ADGRA3: variants seen among roughly 807,000 people sequenced by gnomAD.
ADGRA3 encodes the protein G-protein coupled receptor 125.
A neutral mutation model predicts 119.8 loss-of-function variants in ADGRA3; 56 were observed. The ratio of observed to expected loss-of-function variants is 0.47; its 90% CI spans 0.38 to 0.58. The LOEUF (loss-of-function observed/expected upper bound fraction) is 0.58. ADGRA3 is among the 20% of genes least tolerant of loss of function. ADGRA3 has a pLI of 0.00. For synonymous variants in ADGRA3, 607 were observed against 623.8 expected (o/e 0.97, Z 0.40); for missense variants, 1,516 against 1,649.0 (o/e 0.92, Z 1.40).
At chr4:22,499,904 T>C (rs563900953) in intron 1 of ADGRA3, among the ~76,000 whole-genome samples, 3 of 152,320 alleles carry the variant, frequency 2.0e-5, no homozygotes, top group Admixed American at 2.0e-4. Context: ...TCATTCTAAA[T>C]GTCTGGGACC....
At chr4:22,412,499 G>A (rs1715247197) in intron 14 of ADGRA3, among the ~76,000 whole-genome samples, 1 of 151,732 alleles carries the variant, frequency 6.6e-6, no homozygotes, top group African/African-American at 2.4e-5. Flanking sequence ...GAGGATTTCA[G>A]ATTTTTGGAT....
Position 22,413,833 on chromosome 4 carries a change from A to G in ADGRA3, c.1810-19T>C. 1 of 1,537,376 alleles carries G rather than the reference A, an allele frequency of 6.5e-7. No individual in the cohort carries two copies. The highest frequency in any genetic ancestry group is 8.8e-7 in the Non-Finnish European group (1 of 1,131,728). On this transcript the variant is annotated intron_variant, in intron 12 of 18. Transcript: ENST00000334304. The stretch of plus-strand genomic sequence containing the variant: ...TAGTATTCTGAAAAAATATATATAC[A>G]TAAAAAAAGCTCACTACATTAGTAC...
At chr4:22,446,878 T>C (rs893759428) in intron 5 of ADGRA3, among the ~76,000 whole-genome samples, 2 of 152,096 alleles carry the variant, frequency 1.3e-5, no homozygotes, top group African/African-American at 2.4e-5. Flanking sequence ...AAATAACTTC[T>C]ATGCAATCTC....
chr4:22,507,243 AAAAAT>A (rs926348111), intron 1 of ADGRA3, among the ~76,000 whole-genome samples: 1 of 152,124 alleles, frequency 6.6e-6, no homozygotes, highest in Non-Finnish European at 1.5e-5. Context: ...CCATCTCAAA[AAAAAT>A]AAAATAAATA....
Position 22,388,384 on chromosome 4 carries a change from G to C in ADGRA3, c.3287C>G (p.Ser1096Cys), listed in dbSNP as rs1713940449. Residue 1096 changes from serine to cysteine, a missense_variant, in exon 19 of 19, where the codon TCT becomes TGT. Coordinates refer to ENST00000334304, the MANE Select transcript of ADGRA3 (RefSeq NM_145290.4). ...APKCPNSSAESSCTNKSASSF... is the reference protein window; with the variant it reads ...APKCPNSSAECSCTNKSASSF... The stretch of plus-strand genomic sequence containing the variant: ...TGAAGCACTTTTGTTTGTGCATGAA[G>C]ACTCCGCACTGCTATTGGGGCATTT... The C allele has an allele frequency of 7.4e-6, 12 of 1,614,012 alleles. No homozygotes were observed. Among genetic ancestry groups the C allele is most frequent in the Non-Finnish European group, 1.0e-5 (12 of 1,179,982 alleles).
intron 16 of ADGRA3, among the ~76,000 whole-genome samples, chr4:22,397,777 G>T (rs1000606644): frequency 6.6e-6 from 1 of 152,172 alleles, no homozygotes; most frequent in Admixed American, 6.5e-5. Flanking sequence ...TGCCACGAAA[G>T]ACATGACTTT....
intron 1 of ADGRA3, among the ~76,000 whole-genome samples, chr4:22,513,470 G>T (rs912686764): frequency 4.6e-5 from 7 of 150,972 alleles, no homozygotes; most frequent in African/African-American, 1.5e-4. Flanking sequence ...AGCTTTAATT[G>T]ATCCTTAATT....
chr4:22,479,798 T>C (rs947551570), intron 1 of ADGRA3, among the ~76,000 whole-genome samples: 2 of 150,230 alleles, frequency 1.3e-5, no homozygotes, highest in Non-Finnish European at 2.9e-5. Flanking sequence ...ATGTACACCA[T>C]GGAATACTAT....
In ADGRA3 at chr4:22,413,829, A is replaced by G. The variant is rs573421081; in HGVS notation, c.1810-15T>C. On this transcript the variant is annotated splice_polypyrimidine_tract_variant and intron_variant, in intron 12 of 18. Coordinates refer to ENST00000334304, the MANE Select transcript of ADGRA3 (RefSeq NM_145290.4). ...ACAATAGTATTCTGAAAAAATATAT[A>G]TACATAAAAAAAGCTCACTACATTA... 3.9e-6 allele frequency: 6 copies of G among 1,555,890 alleles called. No homozygotes were observed. The highest frequency in any genetic ancestry group is 3.8e-5 in the Admixed American group (2 of 52,950).
Position 22,442,725 on chromosome 4 carries a change from C to G in ADGRA3, c.845G>C (p.Arg282Thr), listed in dbSNP as rs1328363462. The G allele has an allele frequency of 6.2e-7, 1 of 1,613,338 alleles. No individual in the cohort carries two copies. The highest frequency in any genetic ancestry group is 8.5e-7 in the Non-Finnish European group (1 of 1,179,540). ...DMQVLWYQDG[R>T]IVETDESQGI... ...TTGCGATTCATCGGTTTCAACTATT[C>G]TCCCATCCTGATACCACAACACTTG... The change falls in exon 7 of 19, where the codon AGA becomes ACA. Residue 282 changes from arginine (R) to threonine (T), a missense_variant. Coordinates refer to ENST00000334304, the MANE Select transcript of ADGRA3 (RefSeq NM_145290.4).
At chr4:22,467,620 T>C (rs1407792527) in intron 2 of ADGRA3, among the ~76,000 whole-genome samples, 2 of 152,214 alleles carry the variant, frequency 1.3e-5, no homozygotes, top group Admixed American at 1.3e-4. Context: ...CATGAATAAC[T>C]GAGCACTGTA....
chr4:22,497,356 T>TAA (rs112332021), intron 1 of ADGRA3, among the ~76,000 whole-genome samples: 3,428 of 145,646 alleles, frequency 0.024, 133 homozygotes, highest in African/African-American at 0.08. Flanking sequence ...ATCTTCACTA[T>TAA]AAAAAAAAAA....
chr4:22,486,765 C>T (rs1351413213), intron 1 of ADGRA3, among the ~76,000 whole-genome samples: 1 of 152,186 alleles, frequency 6.6e-6, no homozygotes, highest in Non-Finnish European at 1.5e-5. Context: ...ATACAAAATA[C>T]TAGAATTTGA....
At chr4:22,470,921 AC>A (rs1463042885) in intron 2 of ADGRA3, among the ~76,000 whole-genome samples, 1 of 152,140 alleles carries the variant, frequency 6.6e-6, no homozygotes, top group African/African-American at 2.4e-5. Context: ...GCCCCACCTG[AC>A]AGGTGAGGCA....
At chr4:22,514,177 TC>T (rs1318267428) in intron 1 of ADGRA3, among the ~76,000 whole-genome samples, 2 of 151,886 alleles carry the variant, frequency 1.3e-5, no homozygotes, top group East Asian at 3.9e-4. Context: ...ACAAAGAAAA[TC>T]TCCTCCAACA....
chr4:22,388,093 T>C lies in ADGRA3; in HGVS notation c.3578A>G (p.Asp1193Gly). 1.2e-6 allele frequency: 2 copies of C among 1,614,168 alleles called. No individual in the cohort carries two copies. The highest frequency in any genetic ancestry group is 8.5e-7 in the Non-Finnish European group (1 of 1,180,000). The change falls in exon 19 of 19, where the codon GAT becomes GGT. Residue 1193 changes from aspartate to glycine, a missense_variant. Physicochemically the swap from Asp to Gly is moderately conservative, Grantham distance 94 (BLOSUM62 -1). Coordinates refer to ENST00000334304, the MANE Select transcript of ADGRA3 (RefSeq NM_145290.4). ...GCTTCCTTCCACGCTCGTTGGGACA[T>C]CGTAGGCATATTCTCTCAGGACTGT... Reference protein sequence around the residue: ...RLTVLREYAYDVPTSVEGSVQ... With the variant: ...RLTVLREYAYGVPTSVEGSVQ...
intron 14 of ADGRA3, among the ~76,000 whole-genome samples, chr4:22,404,628 T>A (rs35087972): frequency 0.66 from 99,741 of 152,014 alleles, 33,695 homozygotes; most frequent in Non-Finnish European, 0.75. Context: ...CAGAACACAG[T>A]TCCAACCCTT....
chr4:22,434,850 T>G (rs1464973377), intron 10 of ADGRA3, among the ~76,000 whole-genome samples: 4 of 152,208 alleles, frequency 2.6e-5, no homozygotes, highest in Admixed American at 1.3e-4. Flanking sequence ...CCAATCATTT[T>G]GAATTTCAAA....
At chr4:22,464,987 A>C (rs955020893) in intron 2 of ADGRA3, among the ~76,000 whole-genome samples, 1 of 152,136 alleles carries the variant, frequency 6.6e-6, no homozygotes, top group Non-Finnish European at 1.5e-5. Flanking sequence ...GGTAATGTGA[A>C]CCAGCCGGTA....
Sources: gnomAD v4.1 joint callset for allele counts (sites outside exome capture counted in the v4.1 genomes callset) on GRCh38, gnomAD v4.1.1 for gene constraint, MANE v1.5 for transcripts, NCBI Gene and HGNC (gene_info 2026-07-23, HGNC 2026-07-21) for gene names.